ZNF699: variants seen among roughly 807,000 people sequenced by gnomAD.
The protein encoded by ZNF699 is hangover homolog.
A neutral mutation model predicts 22.5 loss-of-function variants in ZNF699; 18 were observed. That is an observed-to-expected ratio of 0.80 (90% CI 0.55 to 1.19). ZNF699 has a LOEUF of 1.19. ZNF699 is among the 50% of genes most tolerant of loss of function. The probability of loss-of-function intolerance (pLI) is 0.00; values close to 1 mark genes in which losing one functional copy is unlikely to be tolerated. For missense variants in ZNF699, 670 were observed against 763.4 expected (o/e 0.88, Z 1.44); for synonymous variants, 241 against 262.3 (o/e 0.92, Z 0.78).
At chr19:9,304,100 C>T (rs188418341) in intron 2 of ZNF699, among the ~76,000 whole-genome samples, 2 of 152,226 alleles carry the variant, frequency 1.3e-5, no homozygotes, top group Non-Finnish European at 2.9e-5. Flanking sequence ...GGATTGCAGG[C>T]GTGAGCCACC....
Position 9,294,717 on chromosome 19 carries a change from C to T in ZNF699, c.*758G>A, listed in dbSNP as rs569694199. 4.6e-5 allele frequency: 7 copies of T among 152,138 alleles called. No individual in the cohort carries two copies. The East Asian group carries it at 5.8e-4, about 13-fold the overall frequency. 9.4% of individuals were successfully genotyped at this position (152,138 alleles called of 1,614,324 possible). A position where few individuals can be genotyped will look rare whatever the true frequency, so the allele number is the denominator to read the frequency against. On this transcript the variant is annotated 3_prime_UTR_variant, in exon 6 of 6. Coordinates refer to ENST00000591998, the MANE Select transcript of ZNF699 (RefSeq NM_198535.3). ...AAACACTGGATCCAATTCCCAGCCA[C>T]GAGCAAGGACAAAGAATAAAATATA...
intron 1 of ZNF699, among the ~76,000 whole-genome samples, chr19:9,307,300 C>G (rs1426149772): frequency 6.6e-6 from 1 of 152,220 alleles, no homozygotes; most frequent in Non-Finnish European, 1.5e-5. Context: ...TAGCCCTTAC[C>G]TCCTTCGTTT....
chr19:9,297,619 A>T lies in ZNF699; in HGVS notation c.287-140T>A, dbSNP rs576158908. ...AAATAATTTTATGAAGATTGAAACT[A>T]ACATAACTAATATAGTATTAGGAGA... On this transcript the variant is annotated intron_variant, in intron 4 of 5. Transcript: ENST00000591998. This position sits in a 1 kb window ranked among gnomAD's most constrained non-coding sequence, Gnocchi z 4.3. The T allele has an allele frequency of 1.4e-6, 1 of 696,198 alleles. No individual in the cohort carries two copies. The highest frequency in any genetic ancestry group is 2.8e-5 in the East Asian group (1 of 36,358). The allele number at this position is 696,198 out of a possible 1,614,324, so 43.1% of individuals were successfully genotyped here. A position where few individuals can be genotyped will look rare whatever the true frequency, so the allele number is the denominator to read the frequency against.
At position 9,294,103 on chromosome 19, in the gene ZNF699, T is replaced by TAGCATGA. The variant is rs1287126660; in HGVS notation, c.*1365_*1371dup. On this transcript the variant is annotated 3_prime_UTR_variant, in exon 6 of 6. Transcript: ENST00000591998. ...TTGCGAACGTATTTTTCCCCATGAA[T>TAGCATGA]AGCATGACATGATGCGATTGGACTG... Among the ~76,000 whole-genome samples the TAGCATGA allele has an allele frequency of 1.3e-5, 2 of 152,144 alleles. No homozygotes were observed. Among genetic ancestry groups the TAGCATGA allele is most frequent in the Non-Finnish European group, 2.9e-5 (2 of 68,010 alleles).
chr19:9,306,253 G>C lies in ZNF699; in HGVS notation c.-5-1129C>G, dbSNP rs563035089. Among the ~76,000 whole-genome samples, 18 of 152,100 alleles carry C rather than the reference G, an allele frequency of 1.2e-4. 1 individual carries two copies. In the South Asian group the frequency reaches 1.2e-3, roughly 11 times the overall value. On this transcript the variant is annotated intron_variant, in intron 1 of 5. Coordinates refer to ENST00000591998, the MANE Select transcript of ZNF699 (RefSeq NM_198535.3). The stretch of plus-strand genomic sequence containing the variant: ...CTAAAAATACAAAAATTAGCCAGGC[G>C]TGGTGGCGCAAGCCTGTAATCCCAG...
rs184761327 is a variant in ZNF699 at position 9,294,081 on chromosome 19, C to T, written c.*1394G>A. ...CCACAGCTCTTGCTTTTGAGACTTG[C>T]GAACGTATTTTTCCCCATGAATAGC... On this transcript the variant is annotated 3_prime_UTR_variant, in exon 6 of 6. Coordinates refer to ENST00000591998, the MANE Select transcript of ZNF699 (RefSeq NM_198535.3). Among the ~76,000 whole-genome samples the T allele has an allele frequency of 2.0e-5, 3 of 152,226 alleles. No homozygotes were observed. The highest frequency in any genetic ancestry group is 1.9e-4 in the East Asian group (1 of 5,184).
intron 3 of ZNF699, among the ~76,000 whole-genome samples, chr19:9,301,137 AAGAGAGAG>A (rs57187431): frequency 4.2e-5 from 6 of 144,488 alleles, no homozygotes; most frequent in South Asian, 2.1e-4. Flanking sequence ...ACAAAAAAAA[AAGAGAGAG>A]AGAGAGAGAG....
chr19:9,295,267 G>C lies in ZNF699; in HGVS notation c.*208C>G, dbSNP rs944644320. On this transcript the variant is annotated 3_prime_UTR_variant, in exon 6 of 6. Transcript: ENST00000591998. The stretch of plus-strand genomic sequence containing the variant: ...GAGGCACTGATCTTCATTTCTAGTA[G>C]AGATTTTCTTATACATAATAAGCAA... 8.9e-6 allele frequency: 5 copies of C among 564,846 alleles called. No individual in the cohort carries two copies. In the African/African-American group the frequency reaches 9.4e-5, roughly 11 times the overall value. The allele number at this position is 564,846 out of a possible 1,614,324, so 35.0% of individuals were successfully genotyped here.
rs1377392561 is a variant in ZNF699, at chr19:9,302,507, A to G, written c.49-3T>C. On this transcript the variant is annotated splice_region_variant and splice_polypyrimidine_tract_variant and intron_variant, in intron 2 of 5. Transcript: ENST00000591998. The stretch of plus-strand genomic sequence containing the variant: ...ACATCCTCAAAGACTACTGAGTCCT[A>G]AAACATACCACAAATTCTGTTCAGA... The G allele has an allele frequency of 2.5e-6, 4 of 1,604,816 alleles. No homozygotes were observed. Among genetic ancestry groups the G allele is most frequent in the South Asian group, 1.1e-5 (1 of 90,264 alleles).
rs527702885 is a variant in ZNF699, at chr19:9,301,827, C to T, written c.175+551G>A. ...TTGCTGAGGTTTATACCCACACTTTCGATACTTAATAAACCTCAAGGCTTT... is the reference window on the plus strand; with the variant it reads ...TTGCTGAGGTTTATACCCACACTTTTGATACTTAATAAACCTCAAGGCTTT... On this transcript the variant is annotated intron_variant, in intron 3 of 5. Coordinates refer to ENST00000591998, the MANE Select transcript of ZNF699 (RefSeq NM_198535.3). 4.6e-5 allele frequency among the ~76,000 whole-genome samples: 7 copies of T among 152,008 alleles called. No individual in the cohort carries two copies. The South Asian group carries it at 6.2e-4, about 14-fold the overall frequency.
At chr19:9,303,326 A>G (rs943071522) in intron 2 of ZNF699, among the ~76,000 whole-genome samples, 3 of 152,322 alleles carry the variant, frequency 2.0e-5, no homozygotes, top group East Asian at 1.9e-4. Flanking sequence ...AAGGCTGTCA[A>G]TTATACTTCT....
In ZNF699 at chr19:9,297,051, C is replaced by T; in HGVS notation, c.471-118G>A. The T allele has an allele frequency of 3.3e-6, 3 of 905,530 alleles. No homozygotes were observed. Among genetic ancestry groups the T allele is most frequent in the East Asian group, 2.7e-5 (1 of 37,448 alleles). The allele number at this position is 905,530 out of a possible 1,614,324, so 56.1% of individuals were successfully genotyped here. ...AAAGTTTTCACAGAGGGCTCTACGACAGCCAATACTGTCACTGAGTTATTG... is the reference window on the plus strand; with the variant it reads ...AAAGTTTTCACAGAGGGCTCTACGATAGCCAATACTGTCACTGAGTTATTG... On this transcript the variant is annotated intron_variant, in intron 5 of 5. Coordinates refer to ENST00000591998, the MANE Select transcript of ZNF699 (RefSeq NM_198535.3). This position sits in a 1 kb window ranked among gnomAD's most constrained non-coding sequence, Gnocchi z 4.3.
intron 1 of ZNF699, among the ~76,000 whole-genome samples, chr19:9,307,586 T>C (rs750956668): frequency 2.0e-5 from 3 of 152,168 alleles, no homozygotes; most frequent in Non-Finnish European, 4.4e-5. Flanking sequence ...TTTCAGATCA[T>C]GCTGGAATTT....
In ZNF699 at chr19:9,295,354, T is replaced by G. The variant is rs1599249410; in HGVS notation, c.*121A>C. The G allele has an allele frequency of 7.4e-7, 1 of 1,346,798 alleles. No individual in the cohort carries two copies. The highest frequency in any genetic ancestry group is 2.3e-5 in the East Asian group (1 of 43,288). 83.4% of individuals were successfully genotyped at this position (1,346,798 alleles called of 1,614,324 possible). On this transcript the variant is annotated 3_prime_UTR_variant, in exon 6 of 6. Transcript: ENST00000591998. ...AGGGTTTCTCTAAAGTGTCCTCAAA[T>G]CTTCAAAACGATGAGCAACAATTTC...
intron 3 of ZNF699, among the ~76,000 whole-genome samples, chr19:9,298,784 G>T (rs1240731939): frequency 6.6e-6 from 1 of 152,110 alleles, no homozygotes; most frequent in Non-Finnish European, 1.5e-5. Context: ...AATCTAAAAT[G>T]ACTGCCTGTG....
At position 9,291,984 on chromosome 19, in the gene ZNF699, G is replaced by A. The variant is rs1168704936; in HGVS notation, c.*3491C>T. Among the ~76,000 whole-genome samples, 1 of 152,094 alleles carries A rather than the reference G, an allele frequency of 6.6e-6. No individual in the cohort carries two copies. Among genetic ancestry groups the A allele is most frequent in the African/African-American group, 2.4e-5 (1 of 41,412 alleles). ...CCCAAAGTGCTGGGATTATAGGCAT[G>A]AGCCACTGTGCCTGGCCAAGCAGCA... On this transcript the variant is annotated 3_prime_UTR_variant, in exon 6 of 6. Coordinates refer to ENST00000591998, the MANE Select transcript of ZNF699 (RefSeq NM_198535.3).
intron 2 of ZNF699, among the ~76,000 whole-genome samples, chr19:9,303,789 C>G (rs2066316725): frequency 6.6e-6 from 1 of 151,964 alleles, no homozygotes; most frequent in Admixed American, 6.6e-5. Context: ...GGAACTCTGT[C>G]CTAGGAAATA....
chr19:9,309,463 T>G lies in ZNF699; in HGVS notation c.-119A>C, dbSNP rs1480902230. 2 of 152,262 alleles carry G rather than the reference T, an allele frequency of 1.3e-5. No homozygotes were observed. Among genetic ancestry groups the G allele is most frequent in the African/African-American group, 4.8e-5 (2 of 41,438 alleles). 9.4% of individuals were successfully genotyped at this position (152,262 alleles called of 1,614,324 possible). On this transcript the variant is annotated 5_prime_UTR_variant, in exon 1 of 6. Coordinates refer to ENST00000591998, the MANE Select transcript of ZNF699 (RefSeq NM_198535.3). ...TTCTGGAAAGAGAGCAAAGGATGCTTTCGGAGGCTGATGAACTACGACATT... is the reference window on the plus strand; with the variant it reads ...TTCTGGAAAGAGAGCAAAGGATGCTGTCGGAGGCTGATGAACTACGACATT...
chr19:9,308,104 GA>G (rs2066334150), intron 1 of ZNF699, among the ~76,000 whole-genome samples: 1 of 151,944 alleles, frequency 6.6e-6, no homozygotes, highest in Non-Finnish European at 1.5e-5. Context: ...TTTGCAAAAA[GA>G]AAAACTAATG....
Sources: allele counts gnomAD v4.1 joint callset (sites outside exome capture counted in the v4.1 genomes callset), GRCh38; gene constraint gnomAD v4.1.1; non-coding constraint Gnocchi (gnomAD v3.1); transcripts MANE v1.5; gene names NCBI Gene and HGNC (gene_info 2026-07-23, HGNC 2026-07-21).